CCDC149: variants seen among roughly 807,000 people sequenced by gnomAD.
The protein encoded by CCDC149 is coiled-coil domain-containing protein 149.
Under a neutral mutation model 59.9 loss-of-function variants are expected in CCDC149, and 45 were observed. That is an observed-to-expected ratio of 0.75 (90% CI 0.59 to 0.96). The LOEUF is 0.96. Among genes scored for constraint, CCDC149 ranks in the 40% least tolerant of loss-of-function variants. The pLI is 0.00. For missense variants in CCDC149, 584 were observed against 664.7 expected (o/e 0.88, Z 1.33); for synonymous variants, 245 against 260.6 (o/e 0.94, Z 0.58).
At chr4:24,891,643 G>A (rs914609618) in intron 1 of CCDC149, among the ~76,000 whole-genome samples, 30 of 152,188 alleles carry the variant, frequency 2.0e-4, no homozygotes, top group Admixed American at 1.6e-3. Context: ...AAACTCCTTT[G>A]GAGAAGTGCA....
intron 3 of CCDC149, among the ~76,000 whole-genome samples, chr4:24,861,284 C>CA (rs4053969): frequency 2.6e-5 from 4 of 150,958 alleles, no homozygotes; most frequent in African/African-American, 9.8e-5. Context: ...CACACACACA[C>CA]CATGGAGTAC....
downstream of CCDC149, among the ~76,000 whole-genome samples, chr4:24,804,251 G>A (rs1030525019): frequency 1.3e-5 from 2 of 152,142 alleles, no homozygotes; most frequent in Non-Finnish European, 2.9e-5. Context: ...CCAGCACTTT[G>A]GGAGGCCGAG....
At chr4:24,804,214 C>T (rs916344094), downstream of CCDC149, among the ~76,000 whole-genome samples, 2 of 152,032 alleles carry the variant, frequency 1.3e-5, no homozygotes, top group African/African-American at 4.8e-5. Context: ...GGGTACAGGC[C>T]GGGCGCAGTG....
chr4:24,934,682 G>T (rs1016363029), intron 1 of CCDC149, among the ~76,000 whole-genome samples: 10 of 152,200 alleles, frequency 6.6e-5, no homozygotes, highest in African/African-American at 1.7e-4. Flanking sequence ...ATTTGAACAG[G>T]CACCTGAATG....
intron 1 of CCDC149, among the ~76,000 whole-genome samples, chr4:24,908,918 A>G (rs1721708548): frequency 6.6e-6 from 1 of 152,198 alleles, no homozygotes; most frequent in African/African-American, 2.4e-5. Flanking sequence ...TCTTGGAAAT[A>G]AAAAGTTATT....
At chr4:24,852,634 T>A (rs1717736966) in intron 4 of CCDC149, among the ~76,000 whole-genome samples, 1 of 152,182 alleles carries the variant, frequency 6.6e-6, no homozygotes, top group African/African-American at 2.4e-5. Context: ...ATTGCCAAAT[T>A]TAGCAATAAA....
rs137945518 is a variant in CCDC149 at position 24,856,407 on chromosome 4, T to C, written c.265-3228A>G. Among the ~76,000 whole-genome samples, 429 of 152,290 alleles carry C rather than the reference T, an allele frequency of 2.8e-3. 4 individuals are homozygous for C. The Middle Eastern group carries it at 0.037, about 13-fold the overall frequency. ...TATAATGAATCCGTGTGCTAGATGA[T>C]AACATGCTGCAGAGAAAAATAAAGC... On this transcript the variant is annotated intron_variant, in intron 3 of 12. Coordinates refer to ENST00000635206, the MANE Select transcript of CCDC149 (RefSeq NM_001330643.2).
chr4:24,895,891 C>T (rs1489343619), intron 1 of CCDC149, among the ~76,000 whole-genome samples: 1 of 152,208 alleles, frequency 6.6e-6, no homozygotes, highest in East Asian at 1.9e-4. Context: ...ATACTGAAGT[C>T]TGGGCAGGAA....
intron 1 of CCDC149, among the ~76,000 whole-genome samples, chr4:24,971,197 G>A (rs990490207): frequency 1.3e-5 from 2 of 152,198 alleles, no homozygotes; most frequent in Non-Finnish European, 2.9e-5. Flanking sequence ...GGCATCTCTA[G>A]GCTCTGGCCT....
chr4:24,950,484 G>A (rs991442211), intron 1 of CCDC149, among the ~76,000 whole-genome samples: 3 of 152,182 alleles, frequency 2.0e-5, no homozygotes, highest in Non-Finnish European at 2.9e-5. Context: ...GAGTGGACTC[G>A]GGGGTGGGAA....
intron 7 of CCDC149, among the ~76,000 whole-genome samples, chr4:24,835,314 T>C (rs1716445928): frequency 6.6e-6 from 1 of 152,186 alleles, no homozygotes; most frequent in African/African-American, 2.4e-5. Flanking sequence ...TTAAATCAAA[T>C]CTGAAACAAG....
upstream of CCDC149, among the ~76,000 whole-genome samples, chr4:24,913,117 G>C (rs1412140291): frequency 6.6e-6 from 1 of 150,732 alleles, no homozygotes; most frequent in Non-Finnish European, 1.5e-5. Flanking sequence ...AGCCCCGCCG[G>C]GCCCGCCCCG....
At chr4:24,973,475 A>G (rs1481457291) in intron 1 of CCDC149, among the ~76,000 whole-genome samples, 1 of 152,230 alleles carries the variant, frequency 6.6e-6, no homozygotes, top group Non-Finnish European at 1.5e-5. Flanking sequence ...GTGCATTTAA[A>G]AAAAGTCTGG....
At chr4:24,833,004 C>T (rs957889479) in intron 8 of CCDC149, among the ~76,000 whole-genome samples, 3 of 152,108 alleles carry the variant, frequency 2.0e-5, no homozygotes, top group African/African-American at 7.2e-5. Context: ...CTGCTTCTCC[C>T]GCCGTCTTTT....
intron 1 of CCDC149, among the ~76,000 whole-genome samples, chr4:24,971,593 G>A (rs965938175): frequency 6.6e-6 from 1 of 152,228 alleles, no homozygotes; most frequent in Admixed American, 6.5e-5. Flanking sequence ...CCTGCCCAGG[G>A]AGAGAGTACA....
intron 1 of CCDC149, among the ~76,000 whole-genome samples, chr4:24,908,937 G>A (rs1721710400): frequency 1.3e-5 from 2 of 152,228 alleles, no homozygotes; most frequent in African/African-American, 4.8e-5. Flanking sequence ...TTGATTGCCT[G>A]CATACCTGTA....
chr4:24,899,684 C>T (rs1411265775), intron 1 of CCDC149, among the ~76,000 whole-genome samples: 1 of 152,172 alleles, frequency 6.6e-6, no homozygotes, highest in African/African-American at 2.4e-5. Context: ...CATCCCTGTC[C>T]AGTCCCTCAC....
Position 24,938,519 on chromosome 4 carries a change from G to A in CCDC149, c.-65+41550C>T, listed in dbSNP as rs147189644. Among the ~76,000 whole-genome samples the A allele has an allele frequency of 1.5e-3, 225 of 152,312 alleles. 1 individual carries two copies. The highest frequency in any genetic ancestry group is 2.4e-3 in the Non-Finnish European group (161 of 68,030). ...TCTGCATTTCCAACTGAGGTACCGG[G>A]TTCATCTCACTGGGGAGCGCAGTGG... is the stretch of plus-strand genomic sequence containing the variant. On this transcript the variant is annotated intron_variant, in intron 1 of 12. Transcript: ENST00000389609.
intron 3 of CCDC149, among the ~76,000 whole-genome samples, chr4:24,867,368 T>C (rs1718766250): frequency 6.6e-6 from 1 of 152,224 alleles, no homozygotes; most frequent in African/African-American, 2.4e-5. Context: ...ATCTAAGTTC[T>C]TTTTATTTAT....
Sources: allele counts gnomAD v4.1 joint callset (sites outside exome capture counted in the v4.1 genomes callset), GRCh38; gene constraint gnomAD v4.1.1; transcripts MANE v1.5; gene names NCBI Gene and HGNC (gene_info 2026-07-23, HGNC 2026-07-21).